The following MAP3K15 variants were observed in gnomAD, a reference collection of about 807,000 sequenced individuals.
The protein encoded by MAP3K15 is mitogen-activated protein kinase kinase kinase 15, also known as MAPK/ERK kinase kinase 15.
Under a neutral mutation model 99.5 loss-of-function variants are expected in MAP3K15, and 124 were observed. The ratio of observed to expected loss-of-function variants is 1.25; its 90% CI spans 1.08 to 1.45. MAP3K15 has a LOEUF of 1.45. MAP3K15 is among the 40% of genes most tolerant of loss of function. MAP3K15 has a pLI of 0.00. For missense variants in MAP3K15, 1,242 were observed against 1,079.7 expected (o/e 1.15, Z -2.11); for synonymous variants, 494 against 439.6 (o/e 1.12, Z -1.55).
At chrX:19,376,102 G>A (rs150012365) in intron 19 of MAP3K15, among the ~76,000 whole-genome samples, 3,957 of 111,699 alleles carry the variant, frequency 0.035, 74 homozygotes, top group Non-Finnish European at 0.053. Context: ...ACCCGGCTGG[G>A]ATGTCCTCTT....
At chrX:19,380,605 G>A (rs1419959305) in intron 18 of MAP3K15, among the ~76,000 whole-genome samples, 1 of 110,885 alleles carries the variant, frequency 9.0e-6, no homozygotes, top group African/African-American at 3.3e-5. Flanking sequence ...GGCTCACCGC[G>A]AACTCCGCCT....
At chrX:19,479,293 T>A (rs2064273721) in intron 3 of MAP3K15, among the ~76,000 whole-genome samples, 1 of 110,889 alleles carries the variant, frequency 9.0e-6, no homozygotes, top group Admixed American at 9.6e-5. Flanking sequence ...ACATTCCTAG[T>A]GATGAAGGAC....
rs187406882 is a variant in MAP3K15 at position 19,375,412 on chromosome X, G to A, written c.2590-752C>T. Among the ~76,000 whole-genome samples, 132 of 111,929 alleles carry A rather than the reference G, an allele frequency of 1.2e-3. 2 individuals are homozygous for A. The highest frequency in any genetic ancestry group is 3.4e-3 in the Admixed American group (36 of 10,574). On this transcript the variant is annotated intron_variant, in intron 19 of 28. Transcript: ENST00000338883. ...AAAACCTTGAGGCTGCCAATGTATA[G>A]ACAGGTAACTAATGGCTCTCTGTCC...
At chrX:19,495,479 G>A (rs2064394713) in intron 1 of MAP3K15, among the ~76,000 whole-genome samples, 1 of 111,333 alleles carries the variant, frequency 9.0e-6, no homozygotes. Flanking sequence ...GAGGACATCA[G>A]GAAACTACCT....
At chrX:19,394,296 C>T in intron 16 of MAP3K15, among the ~76,000 whole-genome samples, 1 of 111,488 alleles carries the variant, frequency 9.0e-6, no homozygotes, top group Middle Eastern at 4.6e-3. Flanking sequence ...ACTGAGACAG[C>T]GTTAATTGTT....
intron 19 of MAP3K15, among the ~76,000 whole-genome samples, chrX:19,375,089 C>T (rs780935235): frequency 2.3e-4 from 26 of 112,399 alleles, no homozygotes; most frequent in African/African-American, 8.4e-4. Context: ...TTGGCTGCAA[C>T]CATGTGAGTG....
At chrX:19,413,868 G>A (rs1041189188) in intron 10 of MAP3K15, among the ~76,000 whole-genome samples, 9 of 108,511 alleles carry the variant, frequency 8.3e-5, no homozygotes, top group African/African-American at 2.7e-4. Flanking sequence ...GAAAAGGAGA[G>A]AAGAAGGAGG....
intron 25 of MAP3K15, 144 bp from the exon 26 acceptor site, chrX:19,362,994 A>G: frequency 2.6e-6 from 1 of 380,639 alleles, no homozygotes; most frequent in East Asian, 4.2e-5. Context: ...TAGAGAGGGA[A>G]GCACATGTGT....
At chrX:19,363,850 A>G (rs1234275829) in intron 25 of MAP3K15, among the ~76,000 whole-genome samples, 1 of 110,560 alleles carries the variant, frequency 9.0e-6, no homozygotes, top group East Asian at 2.8e-4. Flanking sequence ...ACAGGGTTAC[A>G]CCATATTGGC....
chrX:19,459,557 C>T (rs1476152436), intron 5 of MAP3K15, among the ~76,000 whole-genome samples: 2 of 112,379 alleles, frequency 1.8e-5, no homozygotes, highest in African/African-American at 3.2e-5. Context: ...GTCTATAAAA[C>T]GGCCACCTCT....
rs762475055 is a variant in MAP3K15 at position 19,365,951 on chromosome X, G to A, written c.3567-3101C>T. ...GAACCCGGGAGGTGAAGGTTGCAGT[G>A]AGCCAAGAATGTGCCACTGCACTCC... On this transcript the variant is annotated intron_variant, in intron 25 of 28. Transcript: ENST00000338883. Among the ~76,000 whole-genome samples the A allele has an allele frequency of 4.1e-5, 4 of 96,486 alleles. No homozygotes were observed. In the East Asian group the frequency reaches 1.3e-3, roughly 32 times the overall value. 83.8% of individuals were successfully genotyped at this position (96,486 alleles called of 115,157 possible). A position where few individuals can be genotyped will look rare whatever the true frequency, so the allele number is the denominator to read the frequency against.
At chrX:19,397,007 C>T (rs2063572326) in intron 15 of MAP3K15, among the ~76,000 whole-genome samples, 1 of 108,513 alleles carries the variant, frequency 9.2e-6, no homozygotes, top group Admixed American at 9.9e-5. Flanking sequence ...TCAAGCGATT[C>T]TCGTGCCTCA....
At chrX:19,367,713 A>G (rs1186364008) in intron 25 of MAP3K15, among the ~76,000 whole-genome samples, 4 of 70,614 alleles carry the variant, frequency 5.7e-5, no homozygotes, top group East Asian at 5.0e-4. Flanking sequence ...CTCATTTGCT[A>G]TAACTATGGA....
intron 13 of MAP3K15, among the ~76,000 whole-genome samples, chrX:19,406,204 A>G (rs2063646434): frequency 8.9e-6 from 1 of 112,481 alleles, no homozygotes; most frequent in Non-Finnish European, 1.9e-5. Context: ...TTAAACGTAG[A>G]GTTACCATAA....
chrX:19,405,643 C>T (rs1329479482), intron 13 of MAP3K15, among the ~76,000 whole-genome samples: 1 of 112,306 alleles, frequency 8.9e-6, no homozygotes, highest in Admixed American at 9.5e-5. Context: ...AGTACTATAT[C>T]TATCTTAATT....
intron 3 of MAP3K15, among the ~76,000 whole-genome samples, chrX:19,466,369 G>A (rs1156710499): frequency 8.9e-6 from 1 of 111,732 alleles, no homozygotes; most frequent in African/African-American, 3.3e-5. Flanking sequence ...GAGACCAGGT[G>A]GAGGTAACTT....
At position 19,369,115 on chromosome X, in the gene MAP3K15, C is replaced by A; in HGVS notation, c.3505G>T (p.Ala1169Ser). Residue 1169 changes from alanine (A) to serine (S), a missense_variant, in exon 25 of 29, where the codon GCC becomes TCC. By Grantham distance (99) the Ala-to-Ser change is moderately conservative (BLOSUM62 1). Coordinates refer to ENST00000338883, the MANE Select transcript of MAP3K15 (RefSeq NM_001001671.4). ...YPPATGPGQEAQPHQQHLSLQ... is the reference protein window; with the variant it reads ...YPPATGPGQESQPHQQHLSLQ... Reference sequence around the variant, plus strand: ...CTCAGGTGCTGCTGGTGGGGCTGGGCCTCCTGGCCAGGTCCGGTGGCTGGG... The same window carrying A: ...CTCAGGTGCTGCTGGTGGGGCTGGGACTCCTGGCCAGGTCCGGTGGCTGGG... 8.3e-7 allele frequency: 1 copy of A among 1,210,212 alleles called. No individual in the cohort carries two copies. The highest frequency in any genetic ancestry group is 1.1e-6 in the Non-Finnish European group (1 of 895,058).
intron 21 of MAP3K15, 22 bp downstream of exon 21, chrX:19,373,514 G>T: frequency 8.6e-7 from 1 of 1,165,298 alleles, no homozygotes; most frequent in Non-Finnish European, 1.1e-6. Context: ...GCCCGCGGCA[G>T]ACAGACAGAA....
intron 15 of MAP3K15, among the ~76,000 whole-genome samples, chrX:19,396,936 G>T (rs1326135550): frequency 9.5e-6 from 1 of 105,178 alleles, no homozygotes; most frequent in Non-Finnish European, 1.9e-5. Context: ...GTCTCACTCT[G>T]TCACCCAGGC....
Sources: gnomAD v4.1 joint callset for allele counts (sites outside exome capture counted in the v4.1 genomes callset) on GRCh38, gnomAD v4.1.1 for gene constraint, MANE v1.5 for transcripts, NCBI Gene and HGNC (gene_info 2026-07-23, HGNC 2026-07-21) for gene names.